Variants in ANO3 observed in about 807,000 individuals in gnomAD.
The protein encoded by ANO3 is anoctamin-3.
In ANO3, 99 loss-of-function variants were observed where a neutral mutation model predicts 144.8. The observed-to-expected ratio is 0.68, with a 90% CI of 0.58 to 0.81. The LOEUF is 0.81. ANO3 is among the 30% of genes least tolerant of loss of function. The pLI is 0.00. For synonymous variants in ANO3, 414 were observed against 392.6 expected (o/e 1.05, Z -0.64); for missense variants, 905 against 1,202.2 (o/e 0.75, Z 3.66).
intron 1 of ANO3, among the ~76,000 whole-genome samples, chr11:26,241,953 A>T (rs556075866): frequency 5.3e-5 from 8 of 152,352 alleles, no homozygotes; most frequent in African/African-American, 1.9e-4. Flanking sequence ...ATAAGCTTTT[A>T]GATGAGATGC....
At chr11:26,367,715 C>T (rs1419773036) in intron 1 of ANO3, among the ~76,000 whole-genome samples, 1 of 152,122 alleles carries the variant, frequency 6.6e-6, no homozygotes, top group Non-Finnish European at 1.5e-5. Context: ...GTTCTGCAGG[C>T]TTTACTGCAT....
chr11:26,439,100 A>G (rs918905109), intron 1 of ANO3, among the ~76,000 whole-genome samples: 7 of 152,210 alleles, frequency 4.6e-5, no homozygotes, highest in African/African-American at 1.2e-4. Context: ...AACAACTTGT[A>G]TGGGAACAAC....
At chr11:26,612,149 T>A (rs1316297967) in intron 17 of ANO3, among the ~76,000 whole-genome samples, 2 of 152,154 alleles carry the variant, frequency 1.3e-5, no homozygotes, top group Non-Finnish European at 2.9e-5. Context: ...ATTTAGTTAA[T>A]GATTTCTTGG....
intron 17 of ANO3, among the ~76,000 whole-genome samples, chr11:26,617,874 A>G (rs967087999): frequency 2.0e-5 from 3 of 152,192 alleles, no homozygotes; most frequent in South Asian, 2.1e-4. Flanking sequence ...ACAGATTACT[A>G]AATAGCCCTC....
chr11:26,632,323 T>C (rs1590656393), intron 18 of ANO3, among the ~76,000 whole-genome samples: 1 of 151,638 alleles, frequency 6.6e-6, no homozygotes, highest in South Asian at 2.1e-4. Flanking sequence ...GAGACCAGTC[T>C]GGCCAACATG....
chr11:26,538,817 T>C (rs1249558399), intron 10 of ANO3, among the ~76,000 whole-genome samples: 1 of 152,142 alleles, frequency 6.6e-6, no homozygotes, highest in East Asian at 1.9e-4. Flanking sequence ...TACAAGAAAG[T>C]AAATTAGAAG....
At chr11:26,324,483 T>C (rs1854836463) in intron 1 of ANO3, among the ~76,000 whole-genome samples, 1 of 152,106 alleles carries the variant, frequency 6.6e-6, no homozygotes. Flanking sequence ...TACTAAGAAA[T>C]TGAAAGACAC....
intron 4 of ANO3, among the ~76,000 whole-genome samples, chr11:26,502,635 T>C (rs1861243920): frequency 6.6e-6 from 1 of 152,166 alleles, no homozygotes; most frequent in Non-Finnish European, 1.5e-5. Context: ...ATCAGGCTTC[T>C]TCTGGATACA....
intron 8 of ANO3, among the ~76,000 whole-genome samples, chr11:26,534,190 G>A (rs1565086633): frequency 6.6e-6 from 1 of 152,196 alleles, no homozygotes; most frequent in South Asian, 2.1e-4. Context: ...AAATGTATGG[G>A]AGCCAATGGG....
At chr11:26,403,985 T>A (rs555185861) in intron 1 of ANO3, among the ~76,000 whole-genome samples, 2 of 152,000 alleles carry the variant, frequency 1.3e-5, no homozygotes, top group South Asian at 4.1e-4. Flanking sequence ...CTTTCAAAAT[T>A]GTACCATTCA....
intron 1 of ANO3, chr11:26,285,649 T>G (rs943724429): frequency 9.2e-5 from 14 of 152,158 alleles, no homozygotes; most frequent in African/African-American, 3.4e-4. Context: ...ACAACAGTAA[T>G]AATAGCAACC....
In ANO3 at chr11:26,239,219, A is replaced by G. The variant is rs1014152063; in HGVS notation, c.154+49889A>G. The stretch of plus-strand genomic sequence containing the variant: ...CATTGCTTCTTTAGGCAGAAAAATA[A>G]TACTCCAAAAACATTATCATTAAAA... On this transcript the variant is annotated intron_variant, in intron 1 of 27. Coordinates refer to the ANO3 transcript ENST00000672621. 6.6e-5 allele frequency among the ~76,000 whole-genome samples: 10 copies of G among 152,192 alleles called. No individual in the cohort carries two copies. The South Asian group carries it at 1.4e-3, about 22-fold the overall frequency.
At chr11:26,473,827 C>A in intron 4 of ANO3, 1 of 702,102 alleles carries the variant, frequency 1.4e-6, no homozygotes, top group Non-Finnish European at 1.7e-6. Flanking sequence ...CTATTCCACC[C>A]TATAACCAAC....
At chr11:26,214,787 C>T (rs750220070) in intron 1 of ANO3, among the ~76,000 whole-genome samples, 1 of 151,764 alleles carries the variant, frequency 6.6e-6, no homozygotes, top group Non-Finnish European at 1.5e-5. Flanking sequence ...ATTCAGATTT[C>T]TTTAGTTATT....
intron 1 of ANO3, among the ~76,000 whole-genome samples, chr11:26,418,927 T>C (rs1309223450): frequency 1.3e-5 from 2 of 152,144 alleles, no homozygotes; most frequent in Non-Finnish European, 2.9e-5. Context: ...GGTGGGGCTC[T>C]AACCCATGGG....
intron 3 of ANO3, among the ~76,000 whole-genome samples, chr11:26,462,782 T>G (rs1009755856): frequency 6.6e-6 from 1 of 151,908 alleles, no homozygotes; most frequent in African/African-American, 2.4e-5. Flanking sequence ...TAGATGAATT[T>G]AATTCTTCTG....
intron 1 of ANO3, among the ~76,000 whole-genome samples, chr11:26,432,446 CT>C (rs1232129597): frequency 6.6e-6 from 1 of 152,192 alleles, no homozygotes; most frequent in East Asian, 1.9e-4. Context: ...AGTGTGATTG[CT>C]TTTGGCATCT....
intron 4 of ANO3, among the ~76,000 whole-genome samples, chr11:26,471,753 C>T (rs1859791590): frequency 6.6e-6 from 1 of 151,702 alleles, no homozygotes; most frequent in African/African-American, 2.4e-5. Flanking sequence ...CTTTAGTTCC[C>T]AGAAAGACTA....
chr11:26,376,434 C>G (rs1211898708), intron 1 of ANO3, among the ~76,000 whole-genome samples: 2 of 152,058 alleles, frequency 1.3e-5, no homozygotes, highest in East Asian at 1.9e-4. Flanking sequence ...ATTCAAACAC[C>G]TCTTAATTTT....
Sources: gnomAD v4.1 joint callset for allele counts (sites outside exome capture counted in the v4.1 genomes callset) on GRCh38, gnomAD v4.1.1 for gene constraint, MANE v1.5 for transcripts, NCBI Gene and HGNC (gene_info 2026-07-23, HGNC 2026-07-21) for gene names.